ZGRF1: variants seen among roughly 807,000 people sequenced by gnomAD.
ZGRF1 encodes 5'-3' DNA helicase ZGRF1.
Under a neutral mutation model 203.5 loss-of-function variants are expected in ZGRF1, and 196 were observed. The ratio of observed to expected loss-of-function variants is 0.96; its 90% CI spans 0.86 to 1.08. ZGRF1 has a LOEUF of 1.08. Among genes scored for constraint, ZGRF1 ranks in the 50% least tolerant of loss-of-function variants. The pLI is 0.00. For synonymous variants in ZGRF1, 809 were observed against 841.3 expected (o/e 0.96, Z 0.66); for missense variants, 2,326 against 2,416.3 (o/e 0.96, Z 0.78).
chr4:112,624,554 TG>T (rs2047167283), intron 3 of ZGRF1, among the ~76,000 whole-genome samples: 1 of 151,924 alleles, frequency 6.6e-6, no homozygotes, highest in African/African-American at 2.4e-5. Context: ...TGCAATGGGA[TG>T]GTATACAGGA....
rs770449909 is a variant in ZGRF1, at chr4:112,618,868, C to G, written c.1174G>C (p.Gly392Arg). ...RKKYNVDQSV[G>R]NNDPSWNQEV... Reference sequence around the variant, plus strand: ...TGATTCCAGGATGGATCATTATTACCGACTGACTGGTCTACATTATACTTT... The same window carrying G: ...TGATTCCAGGATGGATCATTATTACGGACTGACTGGTCTACATTATACTTT... The change falls in exon 6 of 28, where the codon GGT (glycine) becomes CGT (arginine). Residue 392 changes from glycine (G) to arginine (R), a missense_variant. By Grantham distance (125) the Gly-to-Arg change is moderately radical (BLOSUM62 -2). Transcript: ENST00000505019. The G allele has an allele frequency of 6.2e-7, 1 of 1,613,372 alleles. No individual in the cohort carries two copies. The highest frequency in any genetic ancestry group is 8.5e-7 in the Non-Finnish European group (1 of 1,179,634).
Position 112,617,354 on chromosome 4 carries a change from A to G in ZGRF1, c.2602+86T>C, listed in dbSNP as rs530914267. On this transcript the variant is annotated intron_variant, in intron 6 of 27. Coordinates refer to ENST00000505019, the MANE Select transcript of ZGRF1 (RefSeq NM_018392.5). Reference sequence around the variant, plus strand: ...TATTTAAACACTATGTAATTCTTTAATGTATCACCCAGAGCTAATATCTTC... The same window carrying G: ...TATTTAAACACTATGTAATTCTTTAGTGTATCACCCAGAGCTAATATCTTC... The G allele has an allele frequency of 1.2e-4, 116 of 958,262 alleles. No individual in the cohort carries two copies. In the African/African-American group the frequency reaches 1.8e-3, roughly 15 times the overall value. The allele number at this position is 958,262 out of a possible 1,614,324, so 59.4% of individuals were successfully genotyped here.
chr4:112,617,766 T>G lies in ZGRF1; in HGVS notation c.2276A>C (p.His759Pro). 1 of 1,614,064 alleles carries G rather than the reference T, an allele frequency of 6.2e-7. No individual in the cohort carries two copies. Among genetic ancestry groups the G allele is most frequent in the African/African-American group, 1.3e-5 (1 of 75,050 alleles). Residue 759 changes from histidine to proline, a missense_variant, in exon 6 of 28, where the codon CAC becomes CCC. Coordinates refer to ENST00000505019, the MANE Select transcript of ZGRF1 (RefSeq NM_018392.5). ...TGGGTAAAACAAAGAATTGGAAATG[T>G]GGGTATTTGATTTATCAAGTGCAAT... Reference protein sequence around the residue: ...ECIALDKSNTHISNSLFYPLG... With the variant: ...ECIALDKSNTPISNSLFYPLG...
chr4:112,573,230 A>T (rs978661234), intron 16 of ZGRF1, among the ~76,000 whole-genome samples: 1 of 152,090 alleles, frequency 6.6e-6, no homozygotes, highest in African/African-American at 2.4e-5. Context: ...CCATAAAAAG[A>T]AACGAATAAT....
intron 24 of ZGRF1, among the ~76,000 whole-genome samples, chr4:112,543,769 G>A (rs919439932): frequency 2.0e-5 from 3 of 152,154 alleles, no homozygotes; most frequent in Non-Finnish European, 2.9e-5. Context: ...CTATTTCCAC[G>A]TTTTTTGGTT....
In ZGRF1 at chr4:112,619,665, G is replaced by A. The variant is rs2047001981; in HGVS notation, c.377C>T (p.Pro126Leu). ...ACTTTCCATAATAACCATTTTCTTT[G>A]GAACCTGACGTGGTCCTTGAAAACC... ...FTGFQGPRQV[P>L]KKMVIMESGE... Residue 126 changes from proline (P) to leucine (L), a missense_variant, in exon 6 of 28, where the codon CCA (proline) becomes CTA (leucine). Transcript: ENST00000505019. The A allele has an allele frequency of 1.2e-6, 2 of 1,609,548 alleles. No individual in the cohort carries two copies. The highest frequency in any genetic ancestry group is 8.5e-7 in the Non-Finnish European group (1 of 1,178,282).
At chr4:112,628,356 CTAA>C (rs1470546878) in intron 3 of ZGRF1, among the ~76,000 whole-genome samples, 1 of 152,156 alleles carries the variant, frequency 6.6e-6, no homozygotes, top group Admixed American at 6.6e-5. Context: ...AATTATACAT[CTAA>C]TAAGAGAAGA....
intron 21 of ZGRF1, 113 bp from the exon 22 acceptor site, chr4:112,554,095 C>T: frequency 1.1e-6 from 1 of 893,024 alleles, no homozygotes. Flanking sequence ...GGTACATGTG[C>T]ACAATGTGCA....
At chr4:112,614,192 C>T (rs2046787026) in intron 6 of ZGRF1, among the ~76,000 whole-genome samples, 1 of 152,108 alleles carries the variant, frequency 6.6e-6, no homozygotes, top group African/African-American at 2.4e-5. Flanking sequence ...GTATGTTATA[C>T]CCTAGTGATT....
chr4:112,563,133 T>C lies in ZGRF1; in HGVS notation c.4580A>G (p.Asn1527Ser), dbSNP rs1231468212. Reference sequence around the variant, plus strand: ...AAAATGAGCATAGTAATACTCACTGTTAGTGGGCCAATTAGAAGGGAAATA... The same window carrying C: ...AAAATGAGCATAGTAATACTCACTGCTAGTGGGCCAATTAGAAGGGAAATA... Reference protein sequence around the residue: ...KGYFPSNWPTNMVVHALLVCN... With the variant: ...KGYFPSNWPTSMVVHALLVCN... Residue 1527 changes from asparagine to serine, a missense_variant and splice_region_variant, in exon 17 of 28, where the codon AAC becomes AGC. Transcript: ENST00000505019. 1 of 1,547,446 alleles carries C rather than the reference T, an allele frequency of 6.5e-7. No individual in the cohort carries two copies. Among genetic ancestry groups the C allele is most frequent in the African/African-American group, 1.4e-5 (1 of 72,934 alleles).
At chr4:112,601,168 T>C (rs1749901705) in intron 10 of ZGRF1, among the ~76,000 whole-genome samples, 1 of 150,870 alleles carries the variant, frequency 6.6e-6, no homozygotes, top group African/African-American at 2.4e-5. Context: ...CCCAACACTT[T>C]GGGGGGCTGA....
intron 1 of ZGRF1, among the ~76,000 whole-genome samples, chr4:112,636,027 T>G (rs940255977): frequency 1.3e-5 from 2 of 152,198 alleles, no homozygotes; most frequent in Non-Finnish European, 2.9e-5. Context: ...ACTTATTCAT[T>G]GAAAGTCAAC....
intron 11 of ZGRF1, among the ~76,000 whole-genome samples, chr4:112,589,343 G>A (rs1251034697): frequency 6.6e-6 from 1 of 152,090 alleles, no homozygotes; most frequent in South Asian, 2.1e-4. Context: ...GACACTAAAA[G>A]GTTATGCTAA....
rs963909154 is a variant in ZGRF1, at chr4:112,564,939, C to A, written c.4439-1665G>T. ...AACGCCAGCGCCGCCTGTCGCTGAC[C>A]AAGCTCCAGCCGAAGGAGAAATGAG... On this transcript the variant is annotated intron_variant, in intron 16 of 27. Coordinates refer to ENST00000505019, the MANE Select transcript of ZGRF1 (RefSeq NM_018392.5). The A allele has an allele frequency of 7.8e-6, 6 of 769,780 alleles. No homozygotes were observed. The African/African-American group carries it at 1.0e-4, about 13-fold the overall frequency. The allele number at this position is 769,780 out of a possible 1,614,324, so 47.7% of individuals were successfully genotyped here.
intron 7 of ZGRF1, among the ~76,000 whole-genome samples, chr4:112,611,888 T>C (rs958296330): frequency 5.9e-5 from 9 of 152,132 alleles, no homozygotes; most frequent in Non-Finnish European, 1.0e-4. Flanking sequence ...AATAAGGTGG[T>C]GTTACCTAAT....
chr4:112,598,384 G>A (rs1578403110), intron 10 of ZGRF1, among the ~76,000 whole-genome samples: 1 of 151,954 alleles, frequency 6.6e-6, no homozygotes, highest in South Asian at 2.1e-4. Context: ...AGTTATAAAG[G>A]GAAGAAAATG....
At chr4:112,584,825 G>A (rs1746893221) in intron 14 of ZGRF1, among the ~76,000 whole-genome samples, 1 of 152,160 alleles carries the variant, frequency 6.6e-6, no homozygotes. Flanking sequence ...ATGAATGAAA[G>A]CACAGTTCTA....
intron 19 of ZGRF1, among the ~76,000 whole-genome samples, chr4:112,559,243 G>C (rs1454692617): frequency 6.6e-6 from 1 of 152,076 alleles, no homozygotes; most frequent in East Asian, 1.9e-4. Flanking sequence ...CTGTTGCCCA[G>C]GCTGGAGTGC....
intron 4 of ZGRF1, among the ~76,000 whole-genome samples, chr4:112,623,281 A>G (rs926049603): frequency 1.2e-4 from 18 of 152,054 alleles, no homozygotes; most frequent in Non-Finnish European, 4.4e-5. Context: ...GGCTGATTCC[A>G]TGTCTTTGCT....
Sources: gnomAD v4.1 joint callset for allele counts (sites outside exome capture counted in the v4.1 genomes callset) on GRCh38, gnomAD v4.1.1 for gene constraint, MANE v1.5 for transcripts, NCBI Gene and HGNC (gene_info 2026-07-23, HGNC 2026-07-21) for gene names.